SPATA17: variants seen among roughly 807,000 people sequenced by gnomAD.
SPATA17 encodes spermatogenesis associated 17, also known as spermatogenesis-associated protein 17.
SPATA17 carries 53 observed loss-of-function variants against 62.2 expected under a neutral mutation model. The ratio of observed to expected loss-of-function variants is 0.85; its 90% CI spans 0.68 to 1.07. The LOEUF is 1.07. Ranked by LOEUF, SPATA17 falls within the 50% of genes least tolerant of loss-of-function variation. The pLI is 0.00. For missense variants in SPATA17, 466 were observed against 425.5 expected, an observed-to-expected ratio of 1.10 and a Z score of -0.84; for synonymous variants, 146 against 146.8, an observed-to-expected ratio of 0.99 and a Z score of 0.04.
intron 8 of SPATA17, among the ~76,000 whole-genome samples, chr1:217,789,620 G>A (rs1262182249): frequency 6.6e-6 from 1 of 152,188 alleles, no homozygotes; most frequent in Non-Finnish European, 1.5e-5. Flanking sequence ...ATACATGGAG[G>A]TCACACATTA....
At chr1:217,823,065 T>C (rs980575789) in intron 9 of SPATA17, among the ~76,000 whole-genome samples, 3 of 152,052 alleles carry the variant, frequency 2.0e-5, no homozygotes, top group Non-Finnish European at 4.4e-5. Flanking sequence ...TGTGAGTTTT[T>C]GTTCATTGGA....
At chr1:217,696,816 A>AG (rs1455245260) in intron 5 of SPATA17, among the ~76,000 whole-genome samples, 2 of 152,168 alleles carry the variant, frequency 1.3e-5, no homozygotes, top group East Asian at 3.9e-4. Flanking sequence ...ATCTTCCTTA[A>AG]GCTATGAGAT....
intron 4 of SPATA17, 129 bp from the exon 5 acceptor site, chr1:217,683,129 A>G (rs1671126900): frequency 2.0e-6 from 1 of 501,116 alleles, no homozygotes; most frequent in South Asian, 3.9e-5. Context: ...ATGCTACAAT[A>G]TTAGTGGAAA....
chr1:217,679,785 G>A (rs1671036182), intron 4 of SPATA17, among the ~76,000 whole-genome samples: 1 of 152,160 alleles, frequency 6.6e-6, no homozygotes, highest in Non-Finnish European at 1.5e-5. Context: ...TGGGTTTGGA[G>A]AAGGAAAGAG....
At chr1:217,743,173 G>C (rs952813951) in intron 6 of SPATA17, among the ~76,000 whole-genome samples, 4 of 151,984 alleles carry the variant, frequency 2.6e-5, no homozygotes, top group Admixed American at 6.6e-5. Flanking sequence ...TACAAAGCTA[G>C]TAGAAATAGA....
chr1:217,800,553 T>C (rs144493193), intron 8 of SPATA17, among the ~76,000 whole-genome samples: 2 of 152,178 alleles, frequency 1.3e-5, no homozygotes, highest in African/African-American at 4.8e-5. Flanking sequence ...GACATGAACC[T>C]GGGGATTTCA....
At chr1:217,654,089 C>G (rs1670379826) in intron 3 of SPATA17, among the ~76,000 whole-genome samples, 1 of 150,838 alleles carries the variant, frequency 6.6e-6, no homozygotes, top group Non-Finnish European at 1.5e-5. Context: ...TCCTTTTCTT[C>G]TTTCTTTCCA....
intron 3 of SPATA17, among the ~76,000 whole-genome samples, chr1:217,666,620 T>G (rs897709192): frequency 6.6e-6 from 1 of 152,158 alleles, no homozygotes; most frequent in African/African-American, 2.4e-5. Context: ...TTCAGTAGCA[T>G]TAAGTATATT....
intron 8 of SPATA17, among the ~76,000 whole-genome samples, chr1:217,799,571 A>T (rs890510665): frequency 1.3e-5 from 2 of 152,172 alleles, no homozygotes; most frequent in Non-Finnish European, 1.5e-5. Flanking sequence ...AACTTTGTAT[A>T]ATTCAAAGCT....
At chr1:217,847,171 A>C (rs1675549040) in intron 9 of SPATA17, among the ~76,000 whole-genome samples, 1 of 151,968 alleles carries the variant, frequency 6.6e-6, no homozygotes, top group South Asian at 2.1e-4. Context: ...ATTGTTCAAA[A>C]AATAATAATG....
At chr1:217,863,549 A>G (rs1431786916) in intron 10 of SPATA17, among the ~76,000 whole-genome samples, 2 of 152,176 alleles carry the variant, frequency 1.3e-5, no homozygotes, top group Non-Finnish European at 2.9e-5. Context: ...CATTTCAAAT[A>G]TTATACTAAA....
intron 6 of SPATA17, among the ~76,000 whole-genome samples, chr1:217,764,246 C>G (rs1304684129): frequency 6.6e-6 from 1 of 152,134 alleles, no homozygotes; most frequent in African/African-American, 2.4e-5. Context: ...CTCTTCATCC[C>G]TCCCTCCCTA....
intron 1 of SPATA17, among the ~76,000 whole-genome samples, chr1:217,643,579 T>A (rs1670114261): frequency 6.6e-6 from 1 of 152,074 alleles, no homozygotes; most frequent in Non-Finnish European, 1.5e-5. Context: ...CCACTGTGAC[T>A]TCCTCCTCCC....
intron 5 of SPATA17, among the ~76,000 whole-genome samples, chr1:217,731,437 A>C (rs565657001): frequency 1.3e-5 from 2 of 152,296 alleles, no homozygotes; most frequent in South Asian, 2.1e-4. Context: ...GGTAAATTGA[A>C]CCATTCTTCA....
intron 5 of SPATA17, among the ~76,000 whole-genome samples, chr1:217,722,650 C>T (rs947899188): frequency 6.6e-6 from 1 of 152,106 alleles, no homozygotes; most frequent in African/African-American, 2.4e-5. Flanking sequence ...AAATCTTTTT[C>T]CAATTAATTT....
chr1:217,736,038 C>A lies in SPATA17; in HGVS notation c.396-5937C>A, dbSNP rs1238531204. On this transcript the variant is annotated intron_variant, in intron 5 of 10. Coordinates refer to ENST00000366933, the MANE Select transcript of SPATA17 (RefSeq NM_138796.4). Reference sequence around the variant, plus strand: ...TTTTGAGCAGAGTGCTCTTTTTCCTCAAAAATATTTTATAGAAATATATTA... The same window carrying A: ...TTTTGAGCAGAGTGCTCTTTTTCCTAAAAAATATTTTATAGAAATATATTA... Among the ~76,000 whole-genome samples the A allele has an allele frequency of 5.9e-5, 9 of 151,548 alleles. No individual in the cohort carries two copies. In the East Asian group the frequency reaches 1.2e-3, roughly 20 times the overall value.
intron 8 of SPATA17, among the ~76,000 whole-genome samples, chr1:217,787,450 G>C (rs1225551945): frequency 2.6e-5 from 4 of 152,070 alleles, no homozygotes; most frequent in Non-Finnish European, 5.9e-5. Context: ...GTGCTCCAGA[G>C]ATACGGAGCT....
chr1:217,858,668 C>T (rs1675832070), intron 9 of SPATA17, among the ~76,000 whole-genome samples: 1 of 151,438 alleles, frequency 6.6e-6, no homozygotes, highest in South Asian at 2.1e-4. Flanking sequence ...TGGGAGGATC[C>T]CTTGAGCCCA....
At chr1:217,696,167 C>G (rs1183614832) in intron 5 of SPATA17, among the ~76,000 whole-genome samples, 1 of 152,322 alleles carries the variant, frequency 6.6e-6, no homozygotes, top group Middle Eastern at 3.4e-3. Flanking sequence ...TAGGACCCTC[C>G]GAGCCAGGTG....
Sources: gnomAD v4.1 joint callset for allele counts (sites outside exome capture counted in the v4.1 genomes callset) on GRCh38, gnomAD v4.1.1 for gene constraint, MANE v1.5 for transcripts, NCBI Gene and HGNC (gene_info 2026-07-23, HGNC 2026-07-21) for gene names.